Variants in NDC80 observed in about 807,000 individuals in gnomAD.
The protein encoded by NDC80 is NDC80 kinetochore complex component, also known as kinetochore protein NDC80 homolog.
Under a neutral mutation model 89.3 loss-of-function variants are expected in NDC80, and 69 were observed. The observed-to-expected ratio is 0.77, with a 90% CI of 0.64 to 0.94. The LOEUF (loss-of-function observed/expected upper bound fraction) is 0.94, where lower values mean the gene tolerates loss of function less well. NDC80 is among the 40% of genes least tolerant of loss of function. The pLI is 0.00. For missense variants in NDC80, 593 were observed against 739.6 expected (o/e 0.80, Z 2.30); for synonymous variants, 243 against 255.6 (o/e 0.95, Z 0.47).
intron 16 of NDC80, among the ~76,000 whole-genome samples, chr18:2,614,660 AT>A (rs2072774888): frequency 1.4e-5 from 2 of 146,960 alleles, no homozygotes; most frequent in Non-Finnish European, 3.0e-5. Context: ...AAAGAAATAA[AT>A]TTGGCAATCC....
chr18:2,612,806 G>A lies in NDC80; in HGVS notation c.1791+1945G>A, dbSNP rs536580269. Among the ~76,000 whole-genome samples, 117 of 152,264 alleles carry A rather than the reference G, an allele frequency of 7.7e-4. 1 individual carries two copies. The highest frequency in any genetic ancestry group is 6.8e-3 in the Middle Eastern group (2 of 294). ...AGACCAAATTCAGCAAGCACTAAGCGCTTACTTTGCACTATGCAAAATTTA... is the reference window on the plus strand; with the variant it reads ...AGACCAAATTCAGCAAGCACTAAGCACTTACTTTGCACTATGCAAAATTTA... On this transcript the variant is annotated intron_variant, in intron 16 of 16. Transcript: ENST00000261597.
chr18:2,606,662 A>G (rs2143665021), intron 14 of NDC80, among the ~76,000 whole-genome samples, 155 bp downstream of exon 14: 1 of 152,252 alleles, frequency 6.6e-6, no homozygotes, highest in South Asian at 2.1e-4. Flanking sequence ...GTTTATCGTA[A>G]GGAGTCATTT....
chr18:2,608,579 T>G, intron 14 of NDC80, 121 bp from the exon 15 acceptor site: 35 of 1,068,494 alleles, frequency 3.3e-5, no homozygotes, highest in Non-Finnish European at 4.3e-5. Context: ...GTAAGCATCT[T>G]GAGAATACAA....
chr18:2,595,137 A>G (rs551538402), intron 10 of NDC80, among the ~76,000 whole-genome samples: 10 of 151,798 alleles, frequency 6.6e-5, no homozygotes, highest in Non-Finnish European at 1.2e-4. Context: ...TAATTGTCCT[A>G]TCTTCCAGAA....
chr18:2,613,803 C>T (rs1950879946), intron 16 of NDC80, among the ~76,000 whole-genome samples: 1 of 151,984 alleles, frequency 6.6e-6, no homozygotes, highest in Non-Finnish European at 1.5e-5. Context: ...AAAGACAAGC[C>T]ACAAACTGAT....
chr18:2,587,208 T>G (rs2072606909), intron 7 of NDC80, among the ~76,000 whole-genome samples: 1 of 152,244 alleles, frequency 6.6e-6, no homozygotes, highest in Non-Finnish European at 1.5e-5. Context: ...TGATCATCCA[T>G]TCTTGCCTTC....
rs1360308243 is a variant in NDC80, at chr18:2,614,658, A to AAAGT, written c.1792-1777_1792-1776insGTAA. ...GAAAGAAAGAAAGAAAGAAAGAAAT[A>AAAGT]AATTTGGCAATCCGAAAAACCAACT... On this transcript the variant is annotated intron_variant, in intron 16 of 16. Transcript: ENST00000261597. 9.6e-4 allele frequency among the ~76,000 whole-genome samples: 2 copies of AAAGT among 2,088 alleles called. 1 individual carries two copies. Among genetic ancestry groups the AAAGT allele is most frequent in the Admixed American group, 0.02 (2 of 102 alleles). 1.4% of individuals were successfully genotyped at this position (2,088 alleles called of 152,430 possible).
At chr18:2,583,498 C>T (rs971879283) in intron 6 of NDC80, among the ~76,000 whole-genome samples, 6 of 151,954 alleles carry the variant, frequency 3.9e-5, no homozygotes, top group Non-Finnish European at 7.4e-5. Context: ...GTCAGGAGTT[C>T]GACACCAGCC....
chr18:2,601,361 GT>G, intron 12 of NDC80, 34 bp from the exon 13 acceptor site: 1 of 1,072,046 alleles, frequency 9.3e-7, no homozygotes, highest in Non-Finnish European at 1.3e-6. Flanking sequence ...GTAATTAAAT[GT>G]TATATGTCAC....
chr18:2,577,044 T>G (rs75021339), intron 3 of NDC80, among the ~76,000 whole-genome samples: 40 of 152,346 alleles, frequency 2.6e-4, no homozygotes, highest in African/African-American at 9.1e-4. Flanking sequence ...TAAGGTATTT[T>G]TGTAATGTAA....
At chr18:2,588,235 A>G (rs1372214668) in intron 8 of NDC80, among the ~76,000 whole-genome samples, 5 of 152,206 alleles carry the variant, frequency 3.3e-5, no homozygotes, top group Non-Finnish European at 7.3e-5. Flanking sequence ...ACATGCTACC[A>G]GAAGCATAGA....
rs1210346946 is a variant in NDC80, at chr18:2,614,617, GA to G, written c.1792-1817del. On this transcript the variant is annotated intron_variant, in intron 16 of 16. Coordinates refer to ENST00000261597, the MANE Select transcript of NDC80 (RefSeq NM_006101.3). ...AGAAAGAAAGAAAGAAAGAAAGAAA[GA>G]AAGAAAGAAAGAAAGAAAGAAAGAA... 1.3e-4 allele frequency among the ~76,000 whole-genome samples: 6 copies of G among 45,928 alleles called. 2 individuals are homozygous for G. The highest frequency in any genetic ancestry group is 9.5e-4 in the Admixed American group (4 of 4,222). 30.1% of individuals were successfully genotyped at this position (45,928 alleles called of 152,430 possible).
chr18:2,613,760 T>A (rs1354947748), intron 16 of NDC80, among the ~76,000 whole-genome samples: 1 of 152,230 alleles, frequency 6.6e-6, no homozygotes, highest in Non-Finnish European at 1.5e-5. Flanking sequence ...AATTAAGATC[T>A]TCTCTACATC....
At chr18:2,593,911 T>G (rs2072640331) in intron 10 of NDC80, 2 of 149,486 alleles carry the variant, frequency 1.3e-5, no homozygotes, top group Non-Finnish European at 2.3e-5. Flanking sequence ...TTACTTTATT[T>G]TATTTTATTT....
At position 2,606,505 on chromosome 18, in the gene NDC80, A is replaced by G; in HGVS notation, c.1555A>G (p.Lys519Glu). The G allele has an allele frequency of 2.5e-6, 4 of 1,597,572 alleles. No homozygotes were observed. Among genetic ancestry groups the G allele is most frequent in the Non-Finnish European group, 3.4e-6 (4 of 1,170,712 alleles). The change falls in exon 14 of 17, where the codon AAG (lysine) becomes GAG (glutamate). Residue 519 changes from lysine to glutamate, a missense_variant and splice_region_variant. Coordinates refer to ENST00000261597, the MANE Select transcript of NDC80 (RefSeq NM_006101.3). ...KLDDLYQQKIKEAEEEDEKCA... is the reference protein window; with the variant it reads ...KLDDLYQQKIEEAEEEDEKCA... ...GGATGATCTTTACCAACAAAAAATT[A>G]AGGTAAGAACTTTGCCACAGTTTGC...
At chr18:2,572,930 ATC>A in intron 1 of NDC80, 45 bp from the exon 2 acceptor site, 1 of 1,439,900 alleles carries the variant, frequency 6.9e-7, no homozygotes, top group Non-Finnish European at 9.7e-7. Flanking sequence ...TTAATGTACC[ATC>A]TCTGTCTGGA....
chr18:2,591,062 G>A (rs562054596), intron 10 of NDC80, among the ~76,000 whole-genome samples: 1 of 152,068 alleles, frequency 6.6e-6, no homozygotes, highest in African/African-American at 2.4e-5. Context: ...GATTCTTGAT[G>A]TCTGCCTGCC....
Position 2,589,326 on chromosome 18 carries a change from T to G in NDC80, c.870+16T>G. On this transcript the variant is annotated intron_variant, in intron 9 of 16. Coordinates refer to ENST00000261597, the MANE Select transcript of NDC80 (RefSeq NM_006101.3). ...AAAAGAACCGGTTAGTAAACATGTT[T>G]ACACACTTACTTGAGAGCTCTTTTA... 2 of 1,542,082 alleles carry G rather than the reference T, an allele frequency of 1.3e-6. No individual in the cohort carries two copies. Among genetic ancestry groups the G allele is most frequent in the Non-Finnish European group, 1.8e-6 (2 of 1,115,972 alleles).
intron 13 of NDC80, among the ~76,000 whole-genome samples, chr18:2,605,757 TTG>T (rs1253975129): frequency 6.6e-6 from 1 of 152,154 alleles, no homozygotes; most frequent in African/African-American, 2.4e-5. Context: ...TTTTACTCTT[TTG>T]TGTTTCCTGC....
Sources: allele counts gnomAD v4.1 joint callset (sites outside exome capture counted in the v4.1 genomes callset), GRCh38; gene constraint gnomAD v4.1.1; transcripts MANE v1.5; gene names NCBI Gene and HGNC (gene_info 2026-07-23, HGNC 2026-07-21).